Variants in NAALADL2 observed in about 807,000 individuals in gnomAD.
NAALADL2 encodes N-acetylated alpha-linked acidic dipeptidase like 2.
Under a neutral mutation model 87.2 loss-of-function variants are expected in NAALADL2, and 76 were observed. That is an observed-to-expected ratio of 0.87 (90% CI 0.72 to 1.05). The LOEUF is 1.05. Among genes scored for constraint, NAALADL2 ranks in the 50% least tolerant of loss-of-function variants. The pLI is 0.00. For synonymous variants in NAALADL2, 354 were observed against 331.0 expected (o/e 1.07, Z -0.75); for missense variants, 1,089 against 945.8 (o/e 1.15, Z -1.99).
intron 1 of NAALADL2, among the ~76,000 whole-genome samples, chr3:174,861,433 GAAAA>G (rs1726487175): frequency 6.6e-6 from 1 of 152,024 alleles, no homozygotes; most frequent in African/African-American, 2.4e-5. Flanking sequence ...CAAAGTGAAT[GAAAA>G]GTTATTTTCT....
intron 3 of NAALADL2, among the ~76,000 whole-genome samples, chr3:174,791,494 G>C (rs1319602896): frequency 6.6e-6 from 1 of 152,156 alleles, no homozygotes; most frequent in Admixed American, 6.6e-5. Flanking sequence ...TTTGATTCTT[G>C]CTTTTCTAGC....
intron 13 of NAALADL2, among the ~76,000 whole-genome samples, chr3:175,787,684 C>T (rs1266519672): frequency 1.3e-4 from 19 of 151,964 alleles, no homozygotes; most frequent in Admixed American, 2.6e-4. Flanking sequence ...GCGTCGCTCA[C>T]GCTGGGAGCT....
chr3:174,713,049 C>T lies in NAALADL2; in HGVS notation c.-114-24592C>T, dbSNP rs190048039. 9.8e-3 allele frequency among the ~76,000 whole-genome samples: 1,483 copies of T among 151,666 alleles called. 13 individuals are homozygous for T. The highest frequency in any genetic ancestry group is 0.016 in the South Asian group (75 of 4,810). On this transcript the variant is annotated intron_variant, in intron 2 of 3. Coordinates refer to the NAALADL2 transcript ENST00000434257. ...ATTCCCACCTATGAGTGAGAACATG[C>T]GGTGTTTGGTTTTTTGTCCTTGCAA...
chr3:174,726,486 A>T (rs1732197676), intron 2 of NAALADL2, among the ~76,000 whole-genome samples: 1 of 152,148 alleles, frequency 6.6e-6, no homozygotes, highest in African/African-American at 2.4e-5. Context: ...GTATTTAAAT[A>T]TTATTTGTCT....
intron 11 of NAALADL2, among the ~76,000 whole-genome samples, chr3:175,634,949 C>T (rs573913056): frequency 2.6e-4 from 39 of 151,800 alleles, no homozygotes; most frequent in Admixed American, 4.6e-4. Context: ...ATTTTCAATG[C>T]GAAGGTTGTA....
intron 13 of NAALADL2, among the ~76,000 whole-genome samples, chr3:175,778,058 C>T (rs958678525): frequency 6.6e-6 from 1 of 152,088 alleles, no homozygotes; most frequent in Non-Finnish European, 1.5e-5. Context: ...CTGCATACAC[C>T]TTTTAAAATA....
intron 1 of NAALADL2, among the ~76,000 whole-genome samples, chr3:174,464,333 C>T (rs898736167): frequency 5.3e-5 from 8 of 149,728 alleles, no homozygotes; most frequent in South Asian, 2.1e-4. Flanking sequence ...AAAACTTTGC[C>T]GTAAGTTTAA....
chr3:175,203,376 AG>A (rs1159438287), intron 2 of NAALADL2, among the ~76,000 whole-genome samples: 1 of 152,126 alleles, frequency 6.6e-6, no homozygotes, highest in Non-Finnish European at 1.5e-5. Flanking sequence ...GCTTCAAGTA[AG>A]GTCAGAAACT....
intron 1 of NAALADL2, among the ~76,000 whole-genome samples, chr3:175,082,017 T>G (rs1364035189): frequency 6.6e-6 from 1 of 150,958 alleles, no homozygotes; most frequent in African/African-American, 2.4e-5. Flanking sequence ...TGTCATTCTC[T>G]CTCTCTCGTT....
intron 4 of NAALADL2, among the ~76,000 whole-genome samples, chr3:175,314,677 T>C (rs1289039874): frequency 0.014 from 94 of 6,730 alleles, no homozygotes; most frequent in African/African-American, 0.12. Flanking sequence ...TATATATATA[T>C]ATATATATAT....
At chr3:175,110,375 G>C (rs534300770) in intron 2 of NAALADL2, among the ~76,000 whole-genome samples, 1 of 151,810 alleles carries the variant, frequency 6.6e-6, no homozygotes, top group East Asian at 1.9e-4. Context: ...TTCATTTACA[G>C]ACATGGAAAT....
chr3:175,565,144 C>T (rs763019107), intron 9 of NAALADL2, among the ~76,000 whole-genome samples: 27 of 152,212 alleles, frequency 1.8e-4, no homozygotes, highest in Admixed American at 9.2e-4. Flanking sequence ...TTTAGGCCAG[C>T]AGTGGAGGTT....
chr3:175,367,295 A>G (rs920084053), intron 5 of NAALADL2, among the ~76,000 whole-genome samples: 2 of 151,800 alleles, frequency 1.3e-5, no homozygotes, highest in African/African-American at 2.4e-5. Context: ...AGGTAGCATG[A>G]TGCCTCCAGC....
chr3:175,464,444 A>T (rs558442088), intron 7 of NAALADL2, among the ~76,000 whole-genome samples: 2 of 151,918 alleles, frequency 1.3e-5, no homozygotes, highest in Non-Finnish European at 2.9e-5. Flanking sequence ...AAAAAAATTG[A>T]AATCTTCAGA....
intron 9 of NAALADL2, among the ~76,000 whole-genome samples, chr3:175,472,875 C>G (rs1418509475): frequency 1.3e-5 from 2 of 152,008 alleles, no homozygotes; most frequent in African/African-American, 4.8e-5. Context: ...CTCCTACCTG[C>G]TTGGAAGCCT....
intron 2 of NAALADL2, among the ~76,000 whole-genome samples, chr3:175,179,748 AT>A (rs1736195050): frequency 6.6e-6 from 1 of 151,788 alleles, no homozygotes. Flanking sequence ...CATAAATTAC[AT>A]TTTCTATTTT....
chr3:175,545,122 T>G (rs1293502409), intron 9 of NAALADL2, among the ~76,000 whole-genome samples: 1 of 152,152 alleles, frequency 6.6e-6, no homozygotes, highest in Non-Finnish European at 1.5e-5. Flanking sequence ...GCAGATATTA[T>G]TATACTCATT....
intron 12 of NAALADL2, among the ~76,000 whole-genome samples, chr3:175,749,246 T>G (rs1583102567): frequency 5.6e-4 from 43 of 76,656 alleles, no homozygotes; most frequent in Admixed American, 7.6e-4. Flanking sequence ...AGGGGGAGGA[T>G]GATGGGGAGA....
intron 2 of NAALADL2, among the ~76,000 whole-genome samples, chr3:174,725,734 A>G (rs1016964505): frequency 1.3e-5 from 2 of 152,192 alleles, no homozygotes; most frequent in African/African-American, 2.4e-5. Flanking sequence ...GCATGACAAC[A>G]TACATGGTGC....
Sources: gnomAD v4.1 joint callset for allele counts (sites outside exome capture counted in the v4.1 genomes callset) on GRCh38, gnomAD v4.1.1 for gene constraint, MANE v1.5 for transcripts, NCBI Gene and HGNC (gene_info 2026-07-23, HGNC 2026-07-21) for gene names.